BRAF: variants seen among roughly 807,000 people sequenced by gnomAD.
The protein encoded by BRAF is serine/threonine-protein kinase B-raf.
A neutral mutation model predicts 104.6 loss-of-function variants in BRAF; 16 were observed. The ratio of observed to expected loss-of-function variants is 0.15; its 90% confidence interval spans 0.10 to 0.23. BRAF has a LOEUF of 0.23. BRAF is among the 10% of genes least tolerant of loss of function. The probability of loss-of-function intolerance (pLI) is 1.00; values close to 1 mark genes in which losing one functional copy is unlikely to be tolerated. For synonymous variants in BRAF, 310 were observed against 341.6 expected (o/e 0.91, Z 1.02); for missense variants, 541 against 937.3 (o/e 0.58, Z 5.52).
intron 12 of BRAF, chr7:140,780,839 G>C (rs1238166923): frequency 6.6e-6 from 1 of 152,132 alleles, no homozygotes; most frequent in African/African-American, 2.4e-5. Context: ...GTCCAACTAA[G>C]AGGCAAATAA....
At chr7:140,839,873 C>T (rs1396799223) in intron 2 of BRAF, among the ~76,000 whole-genome samples, 1 of 152,118 alleles carries the variant, frequency 6.6e-6, no homozygotes, top group Non-Finnish European at 1.5e-5. Flanking sequence ...GAAGTTGCCT[C>T]AAGAGGTAAT....
chr7:140,772,153 G>A (rs1490113329), intron 14 of BRAF, among the ~76,000 whole-genome samples: 1 of 152,102 alleles, frequency 6.6e-6, no homozygotes, highest in Non-Finnish European at 1.5e-5. Context: ...CAAAAGATAT[G>A]TTAAAATCTG....
chr7:140,721,824 T>C lies in BRAF; in HGVS notation c.*4670A>G. The stretch of plus-strand genomic sequence containing the variant: ...AATGGCCAGGTCATAAAGGATGCCT[T>C]GAGACCTCCACCCTGGCCCCCACAG... On this transcript the variant is annotated 3_prime_UTR_variant, in exon 20 of 20. Coordinates refer to ENST00000644969, the MANE Select transcript of BRAF (RefSeq NM_001374258.1). The C allele has an allele frequency of 7.2e-7, 1 of 1,380,856 alleles. No individual in the cohort carries two copies. The highest frequency in any genetic ancestry group is 9.4e-7 in the Non-Finnish European group (1 of 1,069,296). 85.5% of individuals were successfully genotyped at this position (1,380,856 alleles called of 1,614,324 possible).
intron 1 of BRAF, among the ~76,000 whole-genome samples, chr7:140,909,809 A>AAACAACAAC (rs142186028): frequency 2.6e-4 from 38 of 148,782 alleles, no homozygotes; most frequent in African/African-American, 8.2e-4. Context: ...CTCCGTCTCA[A>AAACAACAAC]AACAACAACA....
chr7:140,797,462 A>G (rs1562964441), intron 7 of BRAF, among the ~76,000 whole-genome samples: 1 of 137,730 alleles, frequency 7.3e-6, no homozygotes, highest in African/African-American at 2.5e-5. Context: ...ACAAACTGCA[A>G]AAGAGTTTTG....
chr7:140,880,068 T>C (rs1234994433), intron 1 of BRAF, among the ~76,000 whole-genome samples: 1 of 152,166 alleles, frequency 6.6e-6, no homozygotes, highest in Non-Finnish European at 1.5e-5. Context: ...TGAAGTCTGC[T>C]GTGCCGACTG....
At chr7:140,844,492 G>A (rs1808336684) in intron 2 of BRAF, among the ~76,000 whole-genome samples, 1 of 152,034 alleles carries the variant, frequency 6.6e-6, no homozygotes, top group African/African-American at 2.4e-5. Flanking sequence ...TAAATATCTG[G>A]TTATTCTTAA....
intron 1 of BRAF, among the ~76,000 whole-genome samples, chr7:140,871,258 A>AT: frequency 6.6e-6 from 1 of 151,490 alleles, no homozygotes; most frequent in Non-Finnish European, 1.5e-5. Context: ...AAAAAAAAAA[A>AT]AAAAGAGTAA....
At position 140,720,246 on chromosome 7, in the gene BRAF, T is replaced by C. The variant is rs1795256438; in HGVS notation, c.*6248A>G. ...TTACCACAAATACATATCACTGTGA[T>C]ACAGTCCTCAAAAATCAGGCGATAT... On this transcript the variant is annotated 3_prime_UTR_variant, in exon 20 of 20. Coordinates refer to ENST00000644969, the MANE Select transcript of BRAF (RefSeq NM_001374258.1). The C allele has an allele frequency of 7.5e-6, 8 of 1,062,704 alleles. No homozygotes were observed. Among genetic ancestry groups the C allele is most frequent in the African/African-American group, 1.6e-5 (1 of 61,028 alleles). The allele number at this position is 1,062,704 out of a possible 1,614,324, so 65.8% of individuals were successfully genotyped here.
At chr7:140,748,259 T>G (rs920975715) in intron 17 of BRAF, among the ~76,000 whole-genome samples, 7 of 152,186 alleles carry the variant, frequency 4.6e-5, no homozygotes, top group African/African-American at 1.4e-4. Context: ...AATGAAGCAG[T>G]AACATTTATA....
chr7:140,784,846 CA>C (rs1801199312), intron 10 of BRAF, among the ~76,000 whole-genome samples: 1 of 152,042 alleles, frequency 6.6e-6, no homozygotes. Context: ...GGGGTTTCAC[CA>C]CATTGACCAG....
At chr7:140,910,979 G>A (rs994933194) in intron 1 of BRAF, among the ~76,000 whole-genome samples, 3 of 152,098 alleles carry the variant, frequency 2.0e-5, no homozygotes, top group Admixed American at 6.5e-5. Context: ...CGCTAACTTC[G>A]CAGGACTGAA....
chr7:140,761,980 C>T (rs950048999), intron 14 of BRAF, among the ~76,000 whole-genome samples: 4 of 152,112 alleles, frequency 2.6e-5, no homozygotes, highest in African/African-American at 4.8e-5. Flanking sequence ...GACAGATCAA[C>T]GCGACAGAAA....
chr7:140,737,498 C>T (rs1796535923), intron 18 of BRAF, among the ~76,000 whole-genome samples: 1 of 152,062 alleles, frequency 6.6e-6, no homozygotes, highest in Admixed American at 6.6e-5. Context: ...TTCCCTTTGC[C>T]CATTTTCTAT....
intron 3 of BRAF, chr7:140,834,287 T>TA (rs1807087316): frequency 2.0e-6 from 1 of 490,362 alleles, no homozygotes; most frequent in African/African-American, 1.9e-5. Context: ...GAATGAGTCT[T>TA]ACCTGACACA....
chr7:140,886,056 C>T (rs1440615385), intron 1 of BRAF, among the ~76,000 whole-genome samples: 1 of 152,104 alleles, frequency 6.6e-6, no homozygotes, highest in Admixed American at 6.6e-5. Context: ...AGACAAGGAC[C>T]GAATGTCCTG....
At chr7:140,823,862 T>C (rs1805732537) in intron 3 of BRAF, 2 of 152,196 alleles carry the variant, frequency 1.3e-5, no homozygotes, top group African/African-American at 4.8e-5. Context: ...TCCTAATGGG[T>C]GTGAGGTGGT....
chr7:140,914,123 G>T (rs1029893379), intron 1 of BRAF, among the ~76,000 whole-genome samples: 2 of 152,128 alleles, frequency 1.3e-5, no homozygotes, highest in Non-Finnish European at 2.9e-5. Context: ...TACATACATA[G>T]TATTTATCTT....
Position 140,721,292 on chromosome 7 carries a change from T to C in BRAF, c.*5202A>G, listed in dbSNP as rs887093467. ...ATTGAGTTGCCGACTAATTGCCCCA[T>C]GCATTTTTTTTTTTTAAAGCACTGT... On this transcript the variant is annotated 3_prime_UTR_variant, in exon 20 of 20. Transcript: ENST00000644969. 3 of 1,155,932 alleles carry C rather than the reference T, an allele frequency of 2.6e-6. No homozygotes were observed. Among genetic ancestry groups the C allele is most frequent in the Non-Finnish European group, 2.1e-6 (2 of 941,162 alleles). 71.6% of individuals were successfully genotyped at this position (1,155,932 alleles called of 1,614,324 possible).
Sources: gnomAD v4.1 joint callset for allele counts (sites outside exome capture counted in the v4.1 genomes callset) on GRCh38, gnomAD v4.1.1 for gene constraint, MANE v1.5 for transcripts, NCBI Gene and HGNC (gene_info 2026-07-23, HGNC 2026-07-21) for gene names.